Variants in MAP4K4 observed in about 807,000 individuals in gnomAD.
MAP4K4 encodes HPK/GCK-like kinase HGK.
A neutral mutation model predicts 189.6 loss-of-function variants in MAP4K4; 38 were observed. The observed-to-expected ratio is 0.20, with a 90% CI of 0.15 to 0.26. The LOEUF is 0.26. Ranked by LOEUF, MAP4K4 falls within the 10% of genes least tolerant of loss-of-function variation. MAP4K4 has a pLI of 1.00. For missense variants in MAP4K4, 1,054 were observed against 1,726.9 expected (o/e 0.61, Z 6.91); for synonymous variants, 610 against 624.3 (o/e 0.98, Z 0.34).
In MAP4K4 at chr2:101,887,946, A is replaced by G; in HGVS notation, c.3931+9A>G. ...GATGCCTACATCAGTAGGTATGGAGAACTTGGGGAAAGGCAGCATTTGTGA... is the reference window on the plus strand; with the variant it reads ...GATGCCTACATCAGTAGGTATGGAGGACTTGGGGAAAGGCAGCATTTGTGA... On this transcript the variant is annotated intron_variant, in intron 31 of 32. Coordinates refer to ENST00000324219, the Ensembl canonical transcript of MAP4K4. 6.4e-7 allele frequency: 1 copy of G among 1,572,788 alleles called. No homozygotes were observed. Among genetic ancestry groups the G allele is most frequent in the Non-Finnish European group, 8.6e-7 (1 of 1,160,592 alleles).
At chr2:101,773,377 G>C (rs1269944093) in intron 2 of MAP4K4, among the ~76,000 whole-genome samples, 1 of 152,204 alleles carries the variant, frequency 6.6e-6, no homozygotes, top group Non-Finnish European at 1.5e-5. Context: ...AAAATAGGCC[G>C]AAGGCCCAGA....
intron 12 of MAP4K4, among the ~76,000 whole-genome samples, chr2:101,844,602 T>C (rs1337366959): frequency 6.6e-6 from 1 of 152,254 alleles, no homozygotes; most frequent in Non-Finnish European, 1.5e-5. Context: ...AAAGATGGCA[T>C]CAGACCAGTT....
chr2:101,798,286 G>A (rs188404735), intron 3 of MAP4K4, among the ~76,000 whole-genome samples: 8 of 152,018 alleles, frequency 5.3e-5, no homozygotes, highest in East Asian at 1.9e-4. Context: ...ATATGTTTAT[G>A]TACTGTATAT....
intron 24 of MAP4K4, among the ~76,000 whole-genome samples, 165 bp from the exon 25 acceptor site, chr2:101,873,479 TATG>T (rs1488482919): frequency 1.3e-5 from 2 of 152,196 alleles, no homozygotes; most frequent in Non-Finnish European, 1.5e-5. Flanking sequence ...TGAGGGGTGC[TATG>T]CCACGTGGAA....
At chr2:101,732,899 A>G (rs2059076977) in intron 2 of MAP4K4, among the ~76,000 whole-genome samples, 1 of 152,156 alleles carries the variant, frequency 6.6e-6, no homozygotes, top group Non-Finnish European at 1.5e-5. Context: ...CCTTGCTCCC[A>G]TTTTAAGTGC....
At chr2:101,888,565 C>T (rs1226093073) in intron 31 of MAP4K4, among the ~76,000 whole-genome samples, 3 of 151,944 alleles carry the variant, frequency 2.0e-5, no homozygotes, top group Non-Finnish European at 4.4e-5. Flanking sequence ...CGTGAAAGGC[C>T]TAAGGAAAAT....
intron 7 of MAP4K4, among the ~76,000 whole-genome samples, chr2:101,832,479 C>T (rs1224084582): frequency 6.6e-6 from 1 of 152,112 alleles, no homozygotes; most frequent in Non-Finnish European, 1.5e-5. Flanking sequence ...TTAACAGTTT[C>T]CCATGTATTT....
At chr2:101,700,197 A>G (rs895679365) in intron 2 of MAP4K4, among the ~76,000 whole-genome samples, 5 of 152,210 alleles carry the variant, frequency 3.3e-5, no homozygotes, top group African/African-American at 1.2e-4. Flanking sequence ...CCTTAAGAGA[A>G]AGGAAAGAAT....
exon 1 of MAP4K4, chr2:101,698,108 C>G: frequency 7.7e-7 from 1 of 1,296,532 alleles, no homozygotes; most frequent in Non-Finnish European, 1.0e-6. Flanking sequence ...TGCAAAAAGT[C>G]TGGTGGACAT....
rs377555776 is a variant in MAP4K4, at chr2:101,856,681, A to G, written c.1395+543A>G. Among the ~76,000 whole-genome samples the G allele has an allele frequency of 6.0e-4, 92 of 152,320 alleles. 1 individual carries two copies. The South Asian group carries it at 0.014, about 24-fold the overall frequency. ...TAATAATATTTGCAGCATTTTATTAATGTCAGGTATGATTTTATTTAGAAT... is the reference window on the plus strand; with the variant it reads ...TAATAATATTTGCAGCATTTTATTAGTGTCAGGTATGATTTTATTTAGAAT... On this transcript the variant is annotated intron_variant, in intron 13 of 32. Transcript: ENST00000324219.
At chr2:101,774,256 C>T (rs934975300) in intron 2 of MAP4K4, among the ~76,000 whole-genome samples, 1 of 152,180 alleles carries the variant, frequency 6.6e-6, no homozygotes, top group Non-Finnish European at 1.5e-5. Context: ...GCCATTTTAA[C>T]TGGGGTGAGA....
rs6146862 is a variant in MAP4K4, at chr2:101,803,245, A to ATGTGTGTGTGTGTGTG, written c.180+12473_180+12488dup. 5.6e-3 allele frequency among the ~76,000 whole-genome samples: 846 copies of ATGTGTGTGTGTGTGTG among 150,340 alleles called. 7 individuals are homozygous for ATGTGTGTGTGTGTGTG. Among genetic ancestry groups the ATGTGTGTGTGTGTGTG allele is most frequent in the African/African-American group, 0.018 (736 of 40,614 alleles). On this transcript the variant is annotated intron_variant, in intron 3 of 32. Transcript: ENST00000324219. ...ATATGCTTGGTTGATGATGATGATG[A>ATGTGTGTGTGTGTGTG]TGTGTGTGTGTGTGTGTGTATGTAT...
At chr2:101,702,802 G>A (rs2039725486) in intron 2 of MAP4K4, among the ~76,000 whole-genome samples, 2 of 152,298 alleles carry the variant, frequency 1.3e-5, no homozygotes, top group South Asian at 4.1e-4. Context: ...CTTGGAGATT[G>A]AGGACAAGGG....
At chr2:101,795,638 G>C (rs1247056550) in intron 3 of MAP4K4, among the ~76,000 whole-genome samples, 1 of 152,156 alleles carries the variant, frequency 6.6e-6, no homozygotes, top group African/African-American at 2.4e-5. Context: ...AGGAGCCTTA[G>C]TTCTGTTGAG....
chr2:101,876,817 A>G (rs761437624), intron 26 of MAP4K4, among the ~76,000 whole-genome samples, 186 bp from the exon 27 acceptor site: 1 of 152,240 alleles, frequency 6.6e-6, no homozygotes, highest in African/African-American at 2.4e-5. Flanking sequence ...TCATTGCTAC[A>G]TGGTGATGTA....
chr2:101,795,145 C>T (rs781251694), intron 3 of MAP4K4, among the ~76,000 whole-genome samples: 22 of 152,136 alleles, frequency 1.4e-4, no homozygotes, highest in Admixed American at 5.9e-4. Context: ...TGACTGCCAG[C>T]GTTCTCCACC....
At chr2:101,756,942 C>G (rs934247609) in intron 2 of MAP4K4, among the ~76,000 whole-genome samples, 1 of 152,056 alleles carries the variant, frequency 6.6e-6, no homozygotes, top group South Asian at 2.1e-4. Context: ...AAGGTTTCAC[C>G]TGAGTATTTA....
intron 3 of MAP4K4, among the ~76,000 whole-genome samples, chr2:101,810,481 T>C (rs2149134512): frequency 6.6e-6 from 1 of 152,294 alleles, no homozygotes; most frequent in East Asian, 1.9e-4. Context: ...GATTGGCTCT[T>C]ATTTTTATAA....
chr2:101,887,245 A>G lies in MAP4K4; in HGVS notation c.3771+8A>G, dbSNP rs2098500596. ...ATTTATCTACCAACACATGTAAGAA[A>G]GAACCCACACTCTATGGTTGGTTGA... On this transcript the variant is annotated splice_region_variant and intron_variant, in intron 30 of 32. Coordinates refer to ENST00000324219, the Ensembl canonical transcript of MAP4K4. 1 of 1,607,500 alleles carries G rather than the reference A, an allele frequency of 6.2e-7. No individual in the cohort carries two copies. The highest frequency in any genetic ancestry group is 8.5e-7 in the Non-Finnish European group (1 of 1,177,768).
Sources: allele counts gnomAD v4.1 joint callset (sites outside exome capture counted in the v4.1 genomes callset), GRCh38; gene constraint gnomAD v4.1.1; transcripts MANE v1.5; gene names NCBI Gene and HGNC (gene_info 2026-07-23, HGNC 2026-07-21).